MACROD2: variants seen among roughly 807,000 people sequenced by gnomAD.
MACROD2 encodes mono-ADP ribosylhydrolase 2.
MACROD2 carries 36 observed loss-of-function variants against 70.4 expected under a neutral mutation model. That is an observed-to-expected ratio of 0.51 (90% confidence interval 0.39 to 0.68). The LOEUF is 0.68. MACROD2 is among the 30% of genes least tolerant of loss of function. The pLI is 0.00. For missense variants in MACROD2, 496 were observed against 538.4 expected (o/e 0.92, Z 0.78); for synonymous variants, 172 against 178.8 (o/e 0.96, Z 0.30).
chr20:15,573,512 A>G (rs1257721668), intron 8 of MACROD2, among the ~76,000 whole-genome samples: 1 of 152,198 alleles, frequency 6.6e-6, no homozygotes, highest in Non-Finnish European at 1.5e-5. Context: ...AAGACAGCCT[A>G]GGATGAGAGA....
chr20:14,200,098 C>T (rs1183063575), intron 3 of MACROD2, among the ~76,000 whole-genome samples: 1 of 152,110 alleles, frequency 6.6e-6, no homozygotes, highest in African/African-American at 2.4e-5. Context: ...TAGTTAGACT[C>T]ATAAACCTGC....
At chr20:14,682,425 AAT>A (rs139880570) in intron 4 of MACROD2, among the ~76,000 whole-genome samples, 1 of 151,174 alleles carries the variant, frequency 6.6e-6, no homozygotes, top group Admixed American at 6.6e-5. Context: ...GTGTGTGCTG[AAT>A]ATATATATAC....
chr20:15,615,588 C>T (rs527983365), intron 8 of MACROD2, among the ~76,000 whole-genome samples: 3 of 152,174 alleles, frequency 2.0e-5, no homozygotes, highest in East Asian at 1.9e-4. Flanking sequence ...AGAACCCAGA[C>T]CAGTGAAAGT....
intron 4 of MACROD2, among the ~76,000 whole-genome samples, chr20:14,527,822 C>T (rs2085252650): frequency 6.6e-6 from 1 of 152,208 alleles, no homozygotes; most frequent in South Asian, 2.1e-4. Flanking sequence ...ATGCACCATT[C>T]TGAAATAAAT....
chr20:14,169,757 T>G (rs1195523094), intron 3 of MACROD2, among the ~76,000 whole-genome samples: 1 of 152,224 alleles, frequency 6.6e-6, no homozygotes. Flanking sequence ...CCATAAGCTA[T>G]AGTCATTGAA....
intron 3 of MACROD2, among the ~76,000 whole-genome samples, chr20:14,253,664 C>T (rs977921022): frequency 6.6e-6 from 1 of 152,036 alleles, no homozygotes; most frequent in Non-Finnish European, 1.5e-5. Context: ...TGCTTTTGAT[C>T]TACAATTAGA....
At chr20:14,918,709 TTCTG>T (rs2074125744) in intron 5 of MACROD2, among the ~76,000 whole-genome samples, 4 of 151,646 alleles carry the variant, frequency 2.6e-5, no homozygotes, top group African/African-American at 9.7e-5. Flanking sequence ...ACTTACGCAT[TTCTG>T]AAACCAAATT....
chr20:14,387,027 C>T lies in MACROD2; in HGVS notation c.272-106452C>T, dbSNP rs556887106. The stretch of plus-strand genomic sequence containing the variant: ...ATGAATCTAACAGCAGGCGTATCTC[C>T]TTATTGATGTTCTCTGCTTACTCAT... On this transcript the variant is annotated intron_variant, in intron 3 of 17. Coordinates refer to ENST00000684519, the MANE Select transcript of MACROD2 (RefSeq NM_001351661.2). Among the ~76,000 whole-genome samples, 20 of 152,318 alleles carry T rather than the reference C, an allele frequency of 1.3e-4. 1 individual carries two copies. The highest frequency in any genetic ancestry group is 8.3e-4 in the South Asian group (4 of 4,828).
intron 3 of MACROD2, among the ~76,000 whole-genome samples, chr20:14,372,562 T>A (rs2083335164): frequency 6.6e-6 from 1 of 152,166 alleles, no homozygotes; most frequent in Non-Finnish European, 1.5e-5. Context: ...GATCGTATTC[T>A]AAATATATTA....
intron 7 of MACROD2, among the ~76,000 whole-genome samples, chr20:15,471,741 A>G (rs1463479385): frequency 6.6e-6 from 1 of 152,054 alleles, no homozygotes; most frequent in Non-Finnish European, 1.5e-5. Context: ...TTTTCTGTCT[A>G]AAAGAAGGAA....
intron 5 of MACROD2, among the ~76,000 whole-genome samples, chr20:14,835,124 C>A (rs1185083784): frequency 6.6e-6 from 1 of 152,004 alleles, no homozygotes; most frequent in African/African-American, 2.4e-5. Context: ...TCTATAACAA[C>A]CTTTTTTTCC....
At position 15,066,517 on chromosome 20, in the gene MACROD2, C is replaced by T. The variant is rs543642178; in HGVS notation, c.419-163423C>T. On this transcript the variant is annotated intron_variant, in intron 5 of 17. Coordinates refer to ENST00000684519, the MANE Select transcript of MACROD2 (RefSeq NM_001351661.2). Reference sequence around the variant, plus strand: ...CATTCGTTCGCCAAATCAAGTCATACGACAAAAACCAACATCAATGACACT... The same window carrying T: ...CATTCGTTCGCCAAATCAAGTCATATGACAAAAACCAACATCAATGACACT... 5.9e-5 allele frequency among the ~76,000 whole-genome samples: 9 copies of T among 152,200 alleles called. No individual in the cohort carries two copies. In the South Asian group the frequency reaches 6.2e-4, roughly 11 times the overall value.
At position 15,008,287 on chromosome 20, in the gene MACROD2, C is replaced by T. The variant is rs375854082; in HGVS notation, c.419-221653C>T. On this transcript the variant is annotated intron_variant, in intron 5 of 17. Coordinates refer to ENST00000684519, the MANE Select transcript of MACROD2 (RefSeq NM_001351661.2). ...CTGGAACCCAGGAGTTTGGGACCAGCTTAGGCAACATAGGGAGACTCTGTC... is the reference window on the plus strand; with the variant it reads ...CTGGAACCCAGGAGTTTGGGACCAGTTTAGGCAACATAGGGAGACTCTGTC... 4.7e-4 allele frequency among the ~76,000 whole-genome samples: 72 copies of T among 152,188 alleles called. No homozygotes were observed. In the East Asian group the frequency reaches 6.6e-3, roughly 14 times the overall value.
chr20:15,638,316 G>T (rs531273243), intron 8 of MACROD2, among the ~76,000 whole-genome samples: 1 of 152,202 alleles, frequency 6.6e-6, no homozygotes, highest in Non-Finnish European at 1.5e-5. Context: ...AATAGAAATG[G>T]AAACCAGTGT....
At chr20:14,358,745 T>C (rs1490158973) in intron 3 of MACROD2, among the ~76,000 whole-genome samples, 1 of 152,092 alleles carries the variant, frequency 6.6e-6, no homozygotes, top group Non-Finnish European at 1.5e-5. Flanking sequence ...CGTGAGCCAC[T>C]GCGCTTGTCC....
At chr20:14,177,269 A>G (rs1569192293) in intron 3 of MACROD2, among the ~76,000 whole-genome samples, 1 of 151,898 alleles carries the variant, frequency 6.6e-6, no homozygotes, top group Non-Finnish European at 1.5e-5. Flanking sequence ...GCCCTATCAG[A>G]CATTAAAACC....
At chr20:14,811,756 A>G (rs1344383244) in intron 5 of MACROD2, among the ~76,000 whole-genome samples, 1 of 152,118 alleles carries the variant, frequency 6.6e-6, no homozygotes, top group Non-Finnish European at 1.5e-5. Flanking sequence ...CCCCATCAAA[A>G]AGTGGGCAAA....
chr20:15,039,696 A>C (rs140869424), intron 5 of MACROD2, among the ~76,000 whole-genome samples: 1 of 152,304 alleles, frequency 6.6e-6, no homozygotes, highest in East Asian at 1.9e-4. Context: ...AGGGAAGAAG[A>C]GAGGGAAGCA....
At chr20:15,506,510 G>A (rs2047427883) in intron 8 of MACROD2, among the ~76,000 whole-genome samples, 2 of 152,194 alleles carry the variant, frequency 1.3e-5, no homozygotes, top group South Asian at 4.2e-4. Context: ...CCCCTTCTTG[G>A]CAGAGGTCTT....
Sources: gnomAD v4.1 joint callset for allele counts (sites outside exome capture counted in the v4.1 genomes callset) on GRCh38, gnomAD v4.1.1 for gene constraint, MANE v1.5 for transcripts, NCBI Gene and HGNC (gene_info 2026-07-23, HGNC 2026-07-21) for gene names.